The following AP3B1 variants were observed in gnomAD, a reference collection of about 807,000 sequenced individuals.
The protein encoded by AP3B1 is adaptor related protein complex 3 subunit beta 1.
Under a neutral mutation model 132.5 loss-of-function variants are expected in AP3B1, and 61 were observed. The ratio of observed to expected loss-of-function variants is 0.46; its 90% CI spans 0.37 to 0.57. The LOEUF is 0.57. AP3B1 is among the 20% of genes least tolerant of loss of function. AP3B1 has a pLI of 0.00. For synonymous variants in AP3B1, 388 were observed against 438.3 expected, an observed-to-expected ratio of 0.89 and a Z score of 1.43; for missense variants, 1,120 against 1,289.4, an observed-to-expected ratio of 0.87 and a Z score of 2.01.
In AP3B1 at chr5:78,070,799, A is replaced by T. The variant is rs1749504977; in HGVS notation, c.2577+18594T>A. Among the ~76,000 whole-genome samples the T allele has an allele frequency of 2.0e-5, 3 of 152,222 alleles. No homozygotes were observed. In the South Asian group the frequency reaches 6.2e-4, roughly 32 times the overall value. On this transcript the variant is annotated intron_variant, in intron 22 of 26. Coordinates refer to ENST00000255194, the MANE Select transcript of AP3B1 (RefSeq NM_003664.5). The stretch of plus-strand genomic sequence containing the variant: ...AAAGAAGATATTTATGTGGCCAACA[A>T]ACATGAAAGAAAGCTCCATATCACT...
intron 26 of AP3B1, among the ~76,000 whole-genome samples, chr5:78,009,576 T>G (rs1746533674): frequency 6.6e-6 from 1 of 152,178 alleles, no homozygotes; most frequent in Non-Finnish European, 1.5e-5. Flanking sequence ...AATTAAAAAG[T>G]TGACTACTTG....
chr5:78,128,287 A>T (rs1752549574), intron 16 of AP3B1, 127 bp from the exon 17 acceptor site: 1 of 847,470 alleles, frequency 1.2e-6, no homozygotes, highest in African/African-American at 1.7e-5. Context: ...TAGACTAGGA[A>T]GCTCTTCATA....
intron 11 of AP3B1, among the ~76,000 whole-genome samples, chr5:78,165,955 G>A (rs1462662687): frequency 2.0e-5 from 3 of 152,052 alleles, no homozygotes; most frequent in Admixed American, 6.5e-5. Flanking sequence ...GTGCATGCCT[G>A]TAATTCCAGC....
chr5:78,279,465 C>T (rs1051375777), intron 1 of AP3B1, among the ~76,000 whole-genome samples: 4 of 152,178 alleles, frequency 2.6e-5, no homozygotes, highest in Admixed American at 6.5e-5. Context: ...GTGAGAAATT[C>T]TAAAATCACA....
chr5:78,201,157 T>C (rs1745273901), intron 7 of AP3B1, among the ~76,000 whole-genome samples: 1 of 152,150 alleles, frequency 6.6e-6, no homozygotes, highest in Admixed American at 6.6e-5. Context: ...AATAAATTTC[T>C]GTTGTTTAAG....
At chr5:78,030,366 T>C (rs891725411) in intron 24 of AP3B1, among the ~76,000 whole-genome samples, 2 of 152,192 alleles carry the variant, frequency 1.3e-5, no homozygotes, top group African/African-American at 2.4e-5. Context: ...TCAGAAAAGA[T>C]GTGCAGGTGG....
At chr5:78,256,558 C>T (rs1747857011) in intron 2 of AP3B1, among the ~76,000 whole-genome samples, 1 of 151,958 alleles carries the variant, frequency 6.6e-6, no homozygotes, top group Non-Finnish European at 1.5e-5. Flanking sequence ...AGCCCAGGAC[C>T]CGATAGCTTA....
At chr5:78,040,748 G>T (rs749003101) in intron 22 of AP3B1, among the ~76,000 whole-genome samples, 3 of 151,824 alleles carry the variant, frequency 2.0e-5, no homozygotes, top group Non-Finnish European at 4.4e-5. Flanking sequence ...CTCCCAACTA[G>T]ATTCTCTATT....
At chr5:78,289,598 T>C (rs550950311) in intron 1 of AP3B1, among the ~76,000 whole-genome samples, 2 of 152,310 alleles carry the variant, frequency 1.3e-5, no homozygotes, top group South Asian at 4.2e-4. Flanking sequence ...AGGGCCTCTT[T>C]TCAGCCTTCA....
chr5:78,124,499 C>T (rs1752380344), intron 17 of AP3B1, among the ~76,000 whole-genome samples: 1 of 152,138 alleles, frequency 6.6e-6, no homozygotes, highest in Non-Finnish European at 1.5e-5. Context: ...GGCTTGAGCC[C>T]AGGAGTTTGA....
At chr5:78,066,802 A>C (rs1191967993) in intron 22 of AP3B1, among the ~76,000 whole-genome samples, 4 of 152,258 alleles carry the variant, frequency 2.6e-5, no homozygotes, top group Admixed American at 2.6e-4. Flanking sequence ...ATGCAAATTC[A>C]GAAAATCCAG....
intron 6 of AP3B1, among the ~76,000 whole-genome samples, chr5:78,220,155 C>T (rs1746120379): frequency 6.6e-6 from 1 of 151,904 alleles, no homozygotes; most frequent in African/African-American, 2.4e-5. Context: ...AAGATATGAT[C>T]CACAAATATC....
intron 2 of AP3B1, among the ~76,000 whole-genome samples, chr5:78,263,496 T>C (rs1748187019): frequency 6.6e-6 from 1 of 152,226 alleles, no homozygotes; most frequent in South Asian, 2.1e-4. Flanking sequence ...TTTCTTTTTC[T>C]TGCATGATTG....
chr5:78,141,964 G>C (rs1753167291), intron 14 of AP3B1, among the ~76,000 whole-genome samples: 2 of 152,102 alleles, frequency 1.3e-5, no homozygotes, highest in Admixed American at 6.6e-5. Flanking sequence ...TACAGAAAAA[G>C]AAACAGATCA....
chr5:78,085,154 C>T (rs946832023), intron 22 of AP3B1, among the ~76,000 whole-genome samples: 9 of 152,110 alleles, frequency 5.9e-5, no homozygotes, highest in Non-Finnish European at 1.2e-4. Flanking sequence ...CAACTGCCAT[C>T]CAGAATGATG....
chr5:78,184,686 C>CAAAAAAAAAAAAAAAAAAAAAAAAA (rs772722596), intron 7 of AP3B1, among the ~76,000 whole-genome samples: 26 of 110,524 alleles, frequency 2.4e-4, no homozygotes, highest in Admixed American at 6.4e-4. Context: ...GACACTGTCT[C>CAAAAAAAAAAAAAAAAAAAAAAAAA]AAAAAAAAAA....
rs370684531 is a variant in AP3B1, at chr5:78,116,178, A to G, written c.2025T>C (p.Phe675=). 85 of 1,613,816 alleles carry G rather than the reference A, an allele frequency of 5.3e-5. No homozygotes were observed. Among genetic ancestry groups the G allele is most frequent in the Non-Finnish European group, 6.8e-5 (80 of 1,179,894 alleles). Residue 675 remains phenylalanine (F), a synonymous_variant, in exon 18 of 27, where the codon TTT becomes TTC. Transcript: ENST00000255194. ...CCTCCTCTTCCTCAGATTCAGAATA[A>G]AACTTCTTAGCAGAATTCTCTTGCT... ...KAKQENSAKK[F]YSESEEEEDS...
intron 2 of AP3B1, among the ~76,000 whole-genome samples, chr5:78,242,016 A>G (rs1227570610): frequency 6.6e-6 from 1 of 152,186 alleles, no homozygotes; most frequent in South Asian, 2.1e-4. Context: ...ATCACCTCAC[A>G]GAGAACTTTT....
chr5:78,140,280 G>A, intron 15 of AP3B1, among the ~76,000 whole-genome samples: 1 of 152,048 alleles, frequency 6.6e-6, no homozygotes, highest in Non-Finnish European at 1.5e-5. Flanking sequence ...TGCAGGACAA[G>A]GTCCATACTA....
Sources: allele counts gnomAD v4.1 joint callset (sites outside exome capture counted in the v4.1 genomes callset), GRCh38; gene constraint gnomAD v4.1.1; transcripts MANE v1.5; gene names NCBI Gene and HGNC (gene_info 2026-07-23, HGNC 2026-07-21).